The following HIVEP2 variants were observed in gnomAD, a reference collection of about 807,000 sequenced individuals.
HIVEP2 encodes HIVEP zinc finger 2, also known as transcription factor HIVEP2.
Under a neutral mutation model 180.7 loss-of-function variants are expected in HIVEP2, and 14 were observed. The observed-to-expected ratio is 0.08, with a 90% CI of 0.05 to 0.12. The LOEUF (loss-of-function observed/expected upper bound fraction) is 0.12. Ranked by LOEUF, HIVEP2 falls within the 10% of genes least tolerant of loss-of-function variation. The pLI is 1.00. For synonymous variants in HIVEP2, 1,184 were observed against 1,136.4 expected, an observed-to-expected ratio of 1.04 and a Z score of -0.84; for missense variants, 2,579 against 3,008.5, an observed-to-expected ratio of 0.86 and a Z score of 3.34.
rs1335060364 is a variant in HIVEP2, at chr6:142,903,634, GA to G, written c.-641+41464del. ...GCATATATACCAGTACAAAATTGCA[GA>G]AAAAAAATGACTCCGGTGGTTCCCA... is the stretch of plus-strand genomic sequence containing the variant. On this transcript the variant is annotated intron_variant, in intron 1 of 9. Coordinates refer to ENST00000367603, the MANE Select transcript of HIVEP2 (RefSeq NM_006734.4). Among the ~76,000 whole-genome samples, 13 of 151,780 alleles carry G rather than the reference GA, an allele frequency of 8.6e-5. No homozygotes were observed. In the South Asian group the frequency reaches 2.3e-3, roughly 27 times the overall value.
chr6:142,771,304 C>T lies in HIVEP2; in HGVS notation c.3435G>A (p.Pro1145=), dbSNP rs578216203. Residue 1145 remains proline (P), a synonymous_variant, in exon 5 of 10, where the codon CCG becomes CCA. Transcript: ENST00000367603. This position sits in a 1 kb window ranked among gnomAD's most constrained non-coding sequence, Gnocchi z 5.4. ...PGKQVAGPCP[P]LSSGPLHLAQ... is the part of the protein sequence containing the mutation. ...CCAGGTGCAGTGGCCCCGAGCTCAG[C>T]GGGGGACAAGGACCCGCCACCTGCT... The T allele has an allele frequency of 5.9e-5, 95 of 1,613,434 alleles. No homozygotes were observed. The highest frequency in any genetic ancestry group is 4.8e-4 in the South Asian group (44 of 91,086).
At position 142,901,779 on chromosome 6, in the gene HIVEP2, G is replaced by C. The variant is rs567144238; in HGVS notation, c.-641+43320C>G. ...TTGTATTATGACTTCTCCTCCCACA[G>C]TGCATGCATTACAACTTGACTACGA... On this transcript the variant is annotated intron_variant, in intron 1 of 9. Transcript: ENST00000367603. 2.0e-5 allele frequency among the ~76,000 whole-genome samples: 3 copies of C among 152,240 alleles called. No homozygotes were observed. The South Asian group carries it at 6.2e-4, about 32-fold the overall frequency.
chr6:142,826,159 C>T (rs6933747), intron 2 of HIVEP2, among the ~76,000 whole-genome samples: 10 of 152,090 alleles, frequency 6.6e-5, no homozygotes, highest in African/African-American at 2.2e-4. Flanking sequence ...TATCTAAGCT[C>T]GTTAAAATAA....
chr6:142,811,509 C>G (rs1009822282), intron 2 of HIVEP2, among the ~76,000 whole-genome samples: 12 of 151,964 alleles, frequency 7.9e-5, no homozygotes, highest in African/African-American at 2.9e-4. Context: ...TTCCCCTCCC[C>G]CTACACACAA....
chr6:142,771,922 C>T lies in HIVEP2; in HGVS notation c.2817G>A (p.Lys939=). 1 of 1,614,072 alleles carries T rather than the reference C, an allele frequency of 6.2e-7. No individual in the cohort carries two copies. The highest frequency in any genetic ancestry group is 8.5e-7 in the Non-Finnish European group (1 of 1,180,040). The change falls in exon 5 of 10, where the codon AAG becomes AAA. Residue 939 remains lysine, a synonymous_variant. Transcript: ENST00000367603. This position sits in a 1 kb window ranked among gnomAD's most constrained non-coding sequence, Gnocchi z 5.4. ...CCATATCTGCAAGTCGCAGACGCTTCTTTTTGGGTGGCAACTTCTCCGCGG... is the reference window on the plus strand; with the variant it reads ...CCATATCTGCAAGTCGCAGACGCTTTTTTTTGGGTGGCAACTTCTCCGCGG... ...QLPAEKLPPK[K]KRLRLADMEH...
At chr6:142,885,945 A>T (rs1236537470) in intron 1 of HIVEP2, among the ~76,000 whole-genome samples, 5 of 152,218 alleles carry the variant, frequency 3.3e-5, no homozygotes, top group Admixed American at 2.6e-4. Flanking sequence ...ATCAGTCCAA[A>T]GAAATACAGC....
chr6:142,914,292 CA>C (rs969371990), intron 1 of HIVEP2, among the ~76,000 whole-genome samples: 1 of 151,586 alleles, frequency 6.6e-6, no homozygotes, highest in African/African-American at 2.4e-5. Context: ...TGGCATCTTT[CA>C]AAAAAAATTG....
At chr6:142,914,030 G>A (rs1777486879) in intron 1 of HIVEP2, among the ~76,000 whole-genome samples, 1 of 151,938 alleles carries the variant, frequency 6.6e-6, no homozygotes, top group African/African-American at 2.4e-5. Context: ...TGCCTGAGAT[G>A]TGCTTGGAGA....
intron 1 of HIVEP2, among the ~76,000 whole-genome samples, chr6:142,873,290 G>A (rs1776343216): frequency 1.3e-5 from 2 of 152,056 alleles, no homozygotes; most frequent in Non-Finnish European, 2.9e-5. Context: ...ATCCAAACAA[G>A]ACATTTAAAG....
chr6:142,812,259 GA>G (rs1776719037), intron 2 of HIVEP2, among the ~76,000 whole-genome samples: 1 of 152,162 alleles, frequency 6.6e-6, no homozygotes, highest in Non-Finnish European at 1.5e-5. Flanking sequence ...TGCAGCCAGG[GA>G]AAAACCACCT....
At chr6:142,790,369 A>G (rs1371759524) in intron 2 of HIVEP2, among the ~76,000 whole-genome samples, 1 of 151,708 alleles carries the variant, frequency 6.6e-6, no homozygotes, top group African/African-American at 2.4e-5. Flanking sequence ...CTTCCCTTCC[A>G]TTTCCTCTAT....
chr6:142,934,708 A>G (rs1178465099), intron 1 of HIVEP2, among the ~76,000 whole-genome samples: 1 of 152,228 alleles, frequency 6.6e-6, no homozygotes, highest in Non-Finnish European at 1.5e-5. Context: ...TGATCTATCC[A>G]TAAAGTACTG....
At chr6:142,937,742 G>A (rs1267602423) in intron 1 of HIVEP2, among the ~76,000 whole-genome samples, 2 of 152,190 alleles carry the variant, frequency 1.3e-5, no homozygotes, top group African/African-American at 4.8e-5. Context: ...CCCTGAGTTG[G>A]AATCCTGCTT....
intron 1 of HIVEP2, among the ~76,000 whole-genome samples, chr6:142,880,357 C>A (rs1212007668): frequency 1.3e-5 from 2 of 152,094 alleles, no homozygotes; most frequent in Admixed American, 6.6e-5. Flanking sequence ...AAAATTGACT[C>A]CAATGAGAAG....
intron 1 of HIVEP2, among the ~76,000 whole-genome samples, chr6:142,864,849 T>C (rs2114967629): frequency 6.6e-6 from 1 of 152,268 alleles, no homozygotes; most frequent in East Asian, 1.9e-4. Flanking sequence ...CCTGTAAGAA[T>C]TCATATAGCC....
chr6:142,781,076 C>G (rs1775847243), intron 3 of HIVEP2, among the ~76,000 whole-genome samples: 1 of 152,068 alleles, frequency 6.6e-6, no homozygotes, highest in Non-Finnish European at 1.5e-5. Flanking sequence ...TTGTATCTAC[C>G]TGCAATTTTA....
chr6:142,823,909 G>T (rs566012948), intron 2 of HIVEP2, among the ~76,000 whole-genome samples: 18 of 152,150 alleles, frequency 1.2e-4, no homozygotes, highest in Non-Finnish European at 1.2e-4. Flanking sequence ...AATTTTAAAT[G>T]TTTTATTCAT....
intron 2 of HIVEP2, among the ~76,000 whole-genome samples, chr6:142,800,265 A>G (rs1349871378): frequency 1.3e-5 from 2 of 152,176 alleles, no homozygotes; most frequent in Non-Finnish European, 1.5e-5. Flanking sequence ...ACAATATTCA[A>G]TTAACAACCA....
At chr6:142,933,464 T>G (rs931900759) in intron 1 of HIVEP2, among the ~76,000 whole-genome samples, 4 of 152,226 alleles carry the variant, frequency 2.6e-5, no homozygotes, top group African/African-American at 9.6e-5. Flanking sequence ...TTTCAAAATG[T>G]CTTCTGTTTG....
Sources: gnomAD v4.1 joint callset for allele counts (sites outside exome capture counted in the v4.1 genomes callset) on GRCh38, gnomAD v4.1.1 for gene constraint, Gnocchi (gnomAD v3.1) non-coding constraint, MANE v1.5 for transcripts, NCBI Gene and HGNC (gene_info 2026-07-23, HGNC 2026-07-21) for gene names.